Variants in WDFY2 observed in about 807,000 individuals in gnomAD.
WDFY2 encodes WD repeat and FYVE domain containing 2, also known as WD repeat and FYVE domain-containing protein 2.
WDFY2 carries 36 observed loss-of-function variants against 56.4 expected under a neutral mutation model. The ratio of observed to expected loss-of-function variants is 0.64; its 90% CI spans 0.49 to 0.84. The LOEUF (loss-of-function observed/expected upper bound fraction) is 0.84. Among genes scored for constraint, WDFY2 ranks in the 40% least tolerant of loss-of-function variants. The pLI is 0.00. For synonymous variants in WDFY2, 176 were observed against 183.7 expected, an observed-to-expected ratio of 0.96 and a Z score of 0.34; for missense variants, 444 against 512.2, an observed-to-expected ratio of 0.87 and a Z score of 1.29.
rs1231082529 is a variant in WDFY2, at chr13:51,739,103, G to A, written c.653G>A (p.Ser218Asn). ...GTCCAGCGGGTGTTGTTCTCAGGCA[G>A]TTCAGATCACTCTGTCATCATGTGG... ...DPVQRVLFSGSSDHSVIMWDI... is the reference protein window; with the variant it reads ...DPVQRVLFSGNSDHSVIMWDI... Residue 218 changes from serine (S) to asparagine (N), a missense_variant, in exon 7 of 12, where the codon AGT becomes AAT. By Grantham distance (46) the Ser-to-Asn change is conservative. Coordinates refer to ENST00000298125, the MANE Select transcript of WDFY2 (RefSeq NM_052950.4). The A allele has an allele frequency of 1.4e-5, 22 of 1,603,558 alleles. No homozygotes were observed. The highest frequency in any genetic ancestry group is 1.6e-5 in the Non-Finnish European group (19 of 1,175,366).
At chr13:51,587,810 A>ATT (rs1263576905) in intron 1 of WDFY2, 1 of 152,214 alleles carries the variant, frequency 6.6e-6, no homozygotes, top group Non-Finnish European at 1.5e-5. Flanking sequence ...CACAATCTGT[A>ATT]TTATCCCCTA....
chr13:51,687,052 T>A (rs1029865747), intron 3 of WDFY2, among the ~76,000 whole-genome samples: 16 of 150,442 alleles, frequency 1.1e-4, no homozygotes, highest in African/African-American at 3.9e-4. Flanking sequence ...TATTTATATA[T>A]ATATATATAA....
At chr13:51,642,718 G>T (rs1032371952) in intron 1 of WDFY2, among the ~76,000 whole-genome samples, 64 of 112,208 alleles carry the variant, frequency 5.7e-4, no homozygotes, top group Non-Finnish European at 9.8e-4. Flanking sequence ...GTCTCACTCT[G>T]TCGCCAGGCT....
chr13:51,763,078 CTA>C lies in WDFY2; in HGVS notation c.*3310_*3311del, dbSNP rs530800039. The C allele has an allele frequency of 1.4e-3, 220 of 152,264 alleles. 1 individual carries two copies. Among genetic ancestry groups the C allele is most frequent in the African/African-American group, 5.1e-3 (212 of 41,552 alleles). 9.4% of individuals were successfully genotyped at this position (152,264 alleles called of 1,614,324 possible). ...AAAACTGGAAGGGATCTTCAGAGAT[CTA>C]GAGTGTTTCAAGCAGAAAACACATT... is the stretch of plus-strand genomic sequence containing the variant. On this transcript the variant is annotated 3_prime_UTR_variant, in exon 12 of 12. Coordinates refer to ENST00000298125, the MANE Select transcript of WDFY2 (RefSeq NM_052950.4).
At chr13:51,642,955 C>T (rs1955199579) in intron 1 of WDFY2, among the ~76,000 whole-genome samples, 1 of 152,144 alleles carries the variant, frequency 6.6e-6, no homozygotes, top group African/African-American at 2.4e-5. Flanking sequence ...GGATTACAGG[C>T]GTGAGGCACT....
At chr13:51,634,892 TC>T (rs1464720806) in intron 1 of WDFY2, among the ~76,000 whole-genome samples, 2 of 151,886 alleles carry the variant, frequency 1.3e-5, no homozygotes, top group Non-Finnish European at 1.5e-5. Context: ...GAATGCAGAG[TC>T]CCCCCATAAG....
At chr13:51,699,262 A>G (rs1951935316) in intron 3 of WDFY2, among the ~76,000 whole-genome samples, 2 of 152,230 alleles carry the variant, frequency 1.3e-5, no homozygotes, top group African/African-American at 4.8e-5. Context: ...TATGGGAGAC[A>G]GCTGGCAGAT....
In WDFY2 at chr13:51,758,241, G is replaced by A. The variant is rs750467137; in HGVS notation, c.1114G>A (p.Val372Met). 6.2e-7 allele frequency: 1 copy of A among 1,602,232 alleles called. No homozygotes were observed. Among genetic ancestry groups the A allele is most frequent in the African/African-American group, 1.3e-5 (1 of 74,846 alleles). Residue 372 changes from valine (V) to methionine (M), a missense_variant, in exon 11 of 12, where the codon GTG becomes ATG. Val to Met is a conservative substitution (Grantham distance 21). Coordinates refer to ENST00000298125, the MANE Select transcript of WDFY2 (RefSeq NM_052950.4). ...TGACAGTAAACATAACATTGTGCAT[G>A]TGCATTTCGATGCAACCAGAGGATG... ...FHDSKHNIVH[V>M]HFDATRGWLL...
chr13:51,612,471 T>G (rs1212677159), intron 1 of WDFY2, among the ~76,000 whole-genome samples: 2 of 152,234 alleles, frequency 1.3e-5, no homozygotes, highest in Non-Finnish European at 2.9e-5. Flanking sequence ...AAATTAACAC[T>G]TAGAAGTCTT....
At chr13:51,616,743 T>G (rs1954624518) in intron 1 of WDFY2, among the ~76,000 whole-genome samples, 1 of 152,230 alleles carries the variant, frequency 6.6e-6, no homozygotes, top group South Asian at 2.1e-4. Flanking sequence ...GGCTGGAAAG[T>G]GCTATCCTAT....
intron 1 of WDFY2, among the ~76,000 whole-genome samples, chr13:51,652,816 TTCTC>T (rs1381264032): frequency 6.6e-6 from 1 of 152,232 alleles, no homozygotes; most frequent in Non-Finnish European, 1.5e-5. Context: ...AACCCGACCT[TTCTC>T]TCTGGCTGCC....
chr13:51,673,044 A>G (rs1032518594), intron 2 of WDFY2, among the ~76,000 whole-genome samples: 12 of 152,254 alleles, frequency 7.9e-5, no homozygotes, highest in Non-Finnish European at 1.5e-5. Context: ...TTCACAATCT[A>G]TAAATTCTTT....
chr13:51,626,896 G>C (rs1203937981), intron 1 of WDFY2, among the ~76,000 whole-genome samples: 1 of 152,226 alleles, frequency 6.6e-6, no homozygotes, highest in African/African-American at 2.4e-5. Flanking sequence ...AGCAGGCTGT[G>C]CTTGGCTTGT....
chr13:51,699,362 A>G (rs951545829), intron 3 of WDFY2, among the ~76,000 whole-genome samples: 1 of 152,168 alleles, frequency 6.6e-6, no homozygotes, highest in Non-Finnish European at 1.5e-5. Context: ...AATGCTGGAG[A>G]AGCAGCTGGG....
intron 1 of WDFY2, among the ~76,000 whole-genome samples, chr13:51,634,548 G>A (rs958863093): frequency 6.6e-5 from 10 of 152,104 alleles, no homozygotes; most frequent in African/African-American, 1.2e-4. Context: ...AATGGCTCAC[G>A]CCTGTAATCC....
At chr13:51,752,341 A>G (rs12146894) in intron 8 of WDFY2, among the ~76,000 whole-genome samples, 41,672 of 152,184 alleles carry the variant, frequency 0.27, 5,870 homozygotes, top group South Asian at 0.36. Context: ...AGAAGGTGGG[A>G]AATGGTAGAA....
intron 5 of WDFY2, among the ~76,000 whole-genome samples, chr13:51,723,848 G>A (rs1229950471): frequency 6.6e-6 from 1 of 152,154 alleles, no homozygotes; most frequent in Non-Finnish European, 1.5e-5. Flanking sequence ...CGTTAAGGTT[G>A]CTAAATGGTG....
intron 3 of WDFY2, among the ~76,000 whole-genome samples, chr13:51,689,343 T>C (rs1177589080): frequency 6.6e-6 from 1 of 152,186 alleles, no homozygotes; most frequent in Non-Finnish European, 1.5e-5. Flanking sequence ...TGGAGAAACC[T>C]TGAAATTGCT....
At chr13:51,738,929 C>G (rs755750334) in intron 6 of WDFY2, 120 bp from the exon 7 acceptor site, 23 of 1,236,750 alleles carry the variant, frequency 1.9e-5, no homozygotes, top group Non-Finnish European at 2.3e-5. Flanking sequence ...ATTGTTCTTT[C>G]AATAAGAATT....
Sources: gnomAD v4.1 joint callset for allele counts (sites outside exome capture counted in the v4.1 genomes callset) on GRCh38, gnomAD v4.1.1 for gene constraint, MANE v1.5 for transcripts, NCBI Gene and HGNC (gene_info 2026-07-23, HGNC 2026-07-21) for gene names.